Variants in NIM1K observed in about 807,000 individuals in gnomAD.
The protein encoded by NIM1K is NIM1 serine/threonine protein kinase.
Under a neutral mutation model 37.1 loss-of-function variants are expected in NIM1K, and 35 were observed. That is an observed-to-expected ratio of 0.94 (90% CI 0.72 to 1.25). NIM1K has a LOEUF of 1.25. Ranked by LOEUF, NIM1K falls within the 50% of genes most tolerant of loss-of-function variation. The pLI is 0.00. For synonymous variants in NIM1K, 234 were observed against 206.6 expected, an observed-to-expected ratio of 1.13 and a Z score of -1.14; for missense variants, 564 against 548.0, an observed-to-expected ratio of 1.03 and a Z score of -0.29.
At chr5:43,210,068 A>T (rs1752181515) in intron 1 of NIM1K, among the ~76,000 whole-genome samples, 2 of 152,196 alleles carry the variant, frequency 1.3e-5, no homozygotes, top group African/African-American at 4.8e-5. Context: ...TGTACACAGT[A>T]ACTGAAACAC....
At chr5:43,241,553 A>C (rs1445354132) in intron 1 of NIM1K, among the ~76,000 whole-genome samples, 1 of 151,758 alleles carries the variant, frequency 6.6e-6, no homozygotes, top group Non-Finnish European at 1.5e-5. Context: ...GTTGGCCAGG[A>C]GGATATCGAT....
At chr5:43,267,095 T>C (rs1272563763) in intron 2 of NIM1K, among the ~76,000 whole-genome samples, 1 of 152,234 alleles carries the variant, frequency 6.6e-6, no homozygotes, top group African/African-American at 2.4e-5. Flanking sequence ...TTTTTGTTGC[T>C]GGCAATTTCA....
Position 43,280,243 on chromosome 5 carries a change from C to T in NIM1K, c.825C>T (p.Thr275=), listed in dbSNP as rs751385828. The part of the protein sequence containing the change: ...VTGTMPFRAE[T]VAKLKKSILE... ...GCACCATGCCATTTCGGGCAGAAACCGTGGCCAAACTAAAAAAGAGCATCC... is the reference window on the plus strand; with the variant it reads ...GCACCATGCCATTTCGGGCAGAAACTGTGGCCAAACTAAAAAAGAGCATCC... The change falls in exon 4 of 4, where the codon ACC becomes ACT. Residue 275 remains threonine (T), a synonymous_variant. Coordinates refer to ENST00000326035, the MANE Select transcript of NIM1K (RefSeq NM_153361.4). The T allele has an allele frequency of 1.2e-6, 2 of 1,614,002 alleles. No individual in the cohort carries two copies. The highest frequency in any genetic ancestry group is 1.7e-5 in the Admixed American group (1 of 59,992).
chr5:43,252,648 C>T lies in NIM1K; in HGVS notation c.292+6581C>T, dbSNP rs938077423. On this transcript the variant is annotated intron_variant, in intron 2 of 3. Coordinates refer to ENST00000326035, the MANE Select transcript of NIM1K (RefSeq NM_153361.4). The stretch of plus-strand genomic sequence containing the variant: ...CTACAAAGGAGGCTCCAATATGGGT[C>T]CCTGCTGGCTGGGGTTTATTTTTAT... Among the ~76,000 whole-genome samples the T allele has an allele frequency of 4.6e-5, 7 of 151,900 alleles. No homozygotes were observed. The South Asian group carries it at 1.2e-3, about 27-fold the overall frequency.
chr5:43,254,610 C>A (rs1047395385), intron 2 of NIM1K, among the ~76,000 whole-genome samples: 5 of 152,166 alleles, frequency 3.3e-5, no homozygotes, highest in Admixed American at 2.0e-4. Flanking sequence ...AAGAAATATT[C>A]GAGGGAGCAA....
chr5:43,217,461 A>G lies in NIM1K; in HGVS notation c.-695+25050A>G, dbSNP rs796908437. On this transcript the variant is annotated intron_variant, in intron 1 of 3. Coordinates refer to ENST00000326035, the MANE Select transcript of NIM1K (RefSeq NM_153361.4). ...ATACAAGTTTTTGTGTGGACATGCA[A>G]AAAAAAAAAAAAAAAAAAAGTCCTG... Among the ~76,000 whole-genome samples, 263 of 27,710 alleles carry G rather than the reference A, an allele frequency of 9.5e-3. 1 individual carries two copies. Among genetic ancestry groups the G allele is most frequent in the African/African-American group, 0.046 (252 of 5,518 alleles). The allele number at this position is 27,710 out of a possible 152,430, so 18.2% of individuals were successfully genotyped here.
chr5:43,222,799 A>T (rs1752399725), intron 1 of NIM1K, among the ~76,000 whole-genome samples: 1 of 152,012 alleles, frequency 6.6e-6, no homozygotes, highest in Non-Finnish European at 1.5e-5. Flanking sequence ...CATATATCAA[A>T]GTGTTCAGCT....
rs185668320 is a variant in NIM1K at position 43,204,531 on chromosome 5, G to A, written c.-695+12120G>A. On this transcript the variant is annotated intron_variant, in intron 1 of 3. Transcript: ENST00000326035. ...AGCCTGGCCAACTTGGCAAAATCCC[G>A]TCTCTACTAAAAAAATACAAAAAAT... is the stretch of plus-strand genomic sequence containing the variant. Among the ~76,000 whole-genome samples, 841 of 150,250 alleles carry A rather than the reference G, an allele frequency of 5.6e-3. 5 individuals are homozygous for A. Among genetic ancestry groups the A allele is most frequent in the African/African-American group, 0.017 (694 of 40,968 alleles).
Position 43,205,814 on chromosome 5 carries a change from G to A in NIM1K, c.-695+13403G>A, listed in dbSNP as rs1025354993. Among the ~76,000 whole-genome samples, 8 of 152,088 alleles carry A rather than the reference G, an allele frequency of 5.3e-5. No individual in the cohort carries two copies. The South Asian group carries it at 1.0e-3, about 20-fold the overall frequency. On this transcript the variant is annotated intron_variant, in intron 1 of 3. Coordinates refer to ENST00000326035, the MANE Select transcript of NIM1K (RefSeq NM_153361.4). ...TGCAAGCTCCACCTCCCGGGTTCAC[G>A]CCATTCTCCTGCCTCAGCCTCCCGA...
chr5:43,232,782 CATGCA>C (rs1752561220), intron 1 of NIM1K: 2 of 1,100,754 alleles, frequency 1.8e-6, no homozygotes, highest in Admixed American at 1.8e-5. Flanking sequence ...CTTGGCGATC[CATGCA>C]CTGTTCAGCC....
chr5:43,233,525 C>G (rs976100471), intron 1 of NIM1K, among the ~76,000 whole-genome samples: 4 of 152,260 alleles, frequency 2.6e-5, no homozygotes, highest in South Asian at 2.1e-4. Context: ...AGCTTTTGTT[C>G]CACAACACTC....
chr5:43,196,530 G>A (rs1751917898), intron 1 of NIM1K, among the ~76,000 whole-genome samples: 2 of 151,954 alleles, frequency 1.3e-5, no homozygotes, highest in Non-Finnish European at 2.9e-5. Flanking sequence ...AGCTACTCGG[G>A]AGGCTGAGGC....
intron 2 of NIM1K, among the ~76,000 whole-genome samples, chr5:43,250,103 C>T (rs928562172): frequency 1.3e-4 from 20 of 151,978 alleles, no homozygotes; most frequent in African/African-American, 4.1e-4. Flanking sequence ...CTGCCCGCCT[C>T]GGCCTCCCAA....
At chr5:43,232,579 G>A in intron 1 of NIM1K, 1 of 1,576,824 alleles carries the variant, frequency 6.3e-7, no homozygotes. Context: ...GACACAATCA[G>A]AGTGCTCCAG....
intron 1 of NIM1K, chr5:43,233,267 C>A (rs1752568240): frequency 5.6e-6 from 3 of 533,518 alleles, no homozygotes; most frequent in Admixed American, 6.6e-5. Context: ...TATAAGAGAA[C>A]CTGCCTATTA....
At chr5:43,232,946 C>T in intron 1 of NIM1K, 10 of 1,128,762 alleles carry the variant, frequency 8.9e-6, no homozygotes, top group Non-Finnish European at 1.3e-5. Context: ...CAAACTTCAT[C>T]ATCAATTACC....
rs571170824 is a variant in NIM1K at position 43,223,442 on chromosome 5, A to G, written c.-694-21640A>G. On this transcript the variant is annotated intron_variant, in intron 1 of 3. Coordinates refer to ENST00000326035, the MANE Select transcript of NIM1K (RefSeq NM_153361.4). The stretch of plus-strand genomic sequence containing the variant: ...TATATAAGAGCTAACTGTTATTGAC[A>G]TAATTATTAAGGGCCAGAATAGTTC... Among the ~76,000 whole-genome samples the G allele has an allele frequency of 1.2e-4, 19 of 152,358 alleles. No homozygotes were observed. In the South Asian group the frequency reaches 3.9e-3, roughly 32 times the overall value.
chr5:43,264,953 C>A (rs573114495), intron 2 of NIM1K, among the ~76,000 whole-genome samples: 1 of 152,318 alleles, frequency 6.6e-6, no homozygotes, highest in East Asian at 1.9e-4. Context: ...GGCCCCCACT[C>A]TCTTCTGGCT....
At chr5:43,203,522 T>A (rs1752064680) in intron 1 of NIM1K, among the ~76,000 whole-genome samples, 1 of 152,194 alleles carries the variant, frequency 6.6e-6, no homozygotes, top group Non-Finnish European at 1.5e-5. Context: ...CCATAAATCT[T>A]CCACCACTTG....
Sources: gnomAD v4.1 joint callset for allele counts (sites outside exome capture counted in the v4.1 genomes callset) on GRCh38, gnomAD v4.1.1 for gene constraint, MANE v1.5 for transcripts, NCBI Gene and HGNC (gene_info 2026-07-23, HGNC 2026-07-21) for gene names.